ZNF45: variants seen among roughly 807,000 people sequenced by gnomAD.
ZNF45 encodes zinc finger protein 45, also known as BRC1744.
In ZNF45, 4 loss-of-function variants were observed where a neutral mutation model predicts 12.0. The observed-to-expected ratio is 0.33, with a 90% CI of 0.16 to 0.76. The LOEUF is 0.76. Ranked by LOEUF, ZNF45 falls within the 30% of genes least tolerant of loss-of-function variation. The pLI, the probability that ZNF45 is intolerant of heterozygous loss-of-function variation, is 0.60. For synonymous variants in ZNF45, 272 were observed against 279.6 expected (o/e 0.97, Z 0.27); for missense variants, 700 against 813.0 (o/e 0.86, Z 1.69).
At chr19:43,921,267 A>G (rs1167717822) in intron 7 of ZNF45, among the ~76,000 whole-genome samples, 3 of 152,238 alleles carry the variant, frequency 2.0e-5, no homozygotes, top group Non-Finnish European at 4.4e-5. Flanking sequence ...GAGACCAAGG[A>G]CTGCCTCATA....
intron 7 of ZNF45, among the ~76,000 whole-genome samples, chr19:43,921,161 G>T (rs1256279446): frequency 1.3e-5 from 2 of 152,154 alleles, no homozygotes; most frequent in African/African-American, 2.4e-5. Context: ...AAATCCTGGA[G>T]TCTTTTGAAA....
At chr19:43,929,722 CA>C (rs1477211713) in intron 3 of ZNF45, among the ~76,000 whole-genome samples, 2 of 152,196 alleles carry the variant, frequency 1.3e-5, no homozygotes, top group Admixed American at 6.5e-5. Context: ...AGGTCCTCCA[CA>C]TAACAGGTTT....
At position 43,932,237 on chromosome 19, in the gene ZNF45, G is replaced by A. The variant is rs138692528; in HGVS notation, c.-400+367C>T. On this transcript the variant is annotated intron_variant, in intron 3 of 9. Coordinates refer to ENST00000269973, the MANE Select transcript of ZNF45 (RefSeq NM_003425.4). ...TGTAATCCCAGCTACTGGGGAGGCT[G>A]AGGCAGGAGAATTGCTGAAACCCAG... is the stretch of plus-strand genomic sequence containing the variant. Among the ~76,000 whole-genome samples the A allele has an allele frequency of 4.4e-4, 67 of 152,316 alleles. No homozygotes were observed. In the East Asian group the frequency reaches 0.013, roughly 29 times the overall value.
chr19:43,934,142 C>T (rs1974342639), intron 2 of ZNF45, among the ~76,000 whole-genome samples: 1 of 152,206 alleles, frequency 6.6e-6, no homozygotes, highest in African/African-American at 2.4e-5. Context: ...CTTACTAGCA[C>T]TGTGATATAG....
rs1972314182 is a variant in ZNF45, at chr19:43,912,698, G to T, written c.*689C>A. ...TATTGTATACATTGATCTTGGTGAT[G>T]ATTACATTTGTCAAAATTCAGAAAG... is the stretch of plus-strand genomic sequence containing the variant. On this transcript the variant is annotated 3_prime_UTR_variant, in exon 10 of 10. Transcript: ENST00000269973. 6.6e-6 allele frequency: 1 copy of T among 152,194 alleles called. No individual in the cohort carries two copies. The highest frequency in any genetic ancestry group is 1.5e-5 in the Non-Finnish European group (1 of 68,032). 9.4% of individuals were successfully genotyped at this position (152,194 alleles called of 1,614,324 possible). A position where few individuals can be genotyped will look rare whatever the true frequency, so the allele number is the denominator to read the frequency against.
Position 43,914,208 on chromosome 19 carries a change from G to T in ZNF45, c.1228C>A (p.His410Asn), listed in dbSNP as rs199962565. 238 of 1,606,482 alleles carry T rather than the reference G, an allele frequency of 1.5e-4. No individual in the cohort carries two copies. Among genetic ancestry groups the T allele is most frequent in the Non-Finnish European group, 1.1e-4 (125 of 1,174,804 alleles). The change falls in exon 10 of 10, where the codon CAT becomes AAT. Residue 410 changes from histidine to asparagine, a missense_variant. Coordinates refer to ENST00000269973, the MANE Select transcript of ZNF45 (RefSeq NM_003425.4). ...CACTGATACGGTTTCTCTCCAGTAT[G>T]GCCTCTTTGATGGTCCAGCAGATTT... The part of the protein sequence containing the change: ...ASNLLDHQRG[H>N]TGEKPYQCDA...
intron 9 of ZNF45, 75 bp from the exon 10 acceptor site, chr19:43,915,275 C>G (rs1253677414): frequency 1.4e-6 from 2 of 1,402,338 alleles, no homozygotes; most frequent in Non-Finnish European, 1.9e-6. Context: ...TTTATAAACT[C>G]GGGCCCATAG....
intron 3 of ZNF45, among the ~76,000 whole-genome samples, chr19:43,929,127 A>G (rs1973918147): frequency 2.0e-5 from 3 of 152,248 alleles, no homozygotes; most frequent in Admixed American, 2.0e-4. Flanking sequence ...GCGCCAGGCA[A>G]TGAACCCAGG....
In ZNF45 at chr19:43,935,023, A is replaced by C. The variant is rs1403473499; in HGVS notation, c.-855T>G. On this transcript the variant is annotated 5_prime_UTR_variant, in exon 1 of 10. Transcript: ENST00000269973. ...GAGATCCTCAGACGCCTCCCCATTC[A>C]GGTCCACTTCCAACCAGGGGACTCC... 1 of 152,436 alleles carries C rather than the reference A, an allele frequency of 6.6e-6. No homozygotes were observed. The allele number at this position is 152,436 out of a possible 1,614,324, so 9.4% of individuals were successfully genotyped here.
At chr19:43,916,631 C>T (rs1437038434) in intron 9 of ZNF45, among the ~76,000 whole-genome samples, 1 of 152,146 alleles carries the variant, frequency 6.6e-6, no homozygotes, top group African/African-American at 2.4e-5. Flanking sequence ...TTATCATCAC[C>T]CAAGAGCTCT....
chr19:43,914,903 TG>T lies in ZNF45; in HGVS notation c.532del (p.His178IlefsTer90). The T allele has an allele frequency of 2.5e-6, 4 of 1,612,736 alleles. No individual in the cohort carries two copies. The highest frequency in any genetic ancestry group is 3.4e-6 in the Non-Finnish European group (4 of 1,178,748). Reference protein sequence around the residue: ...HCVKSFSWSSHLQINQRAHAG... With the variant: ...HCVKSFSWSSXLQINQRAHAG... ...ATGAGCCCTTTGGTTAATTTGAAGATGAGAGCTCCAGCTGAAACTTTTCACA... is the reference window on the plus strand; with the variant it reads ...ATGAGCCCTTTGGTTAATTTGAAGATAGAGCTCCAGCTGAAACTTTTCACA... On this transcript the variant is annotated frameshift_variant, in exon 10 of 10. Transcript: ENST00000269973. LOFTEE classifies it low-confidence loss of function (END_TRUNC).
rs757803551 is a variant in ZNF45, at chr19:43,918,984, G to A, written c.143-22C>T. On this transcript the variant is annotated intron_variant, in intron 8 of 9. Coordinates refer to ENST00000269973, the MANE Select transcript of ZNF45 (RefSeq NM_003425.4). ...TGCCCTGTGAAAAGGCAAGGACATAGGTTTATAATTAATACATCAGAAGCC... is the reference window on the plus strand; with the variant it reads ...TGCCCTGTGAAAAGGCAAGGACATAAGTTTATAATTAATACATCAGAAGCC... 9.4e-6 allele frequency: 15 copies of A among 1,602,172 alleles called. No homozygotes were observed. The Admixed American group carries it at 2.3e-4, about 25-fold the overall frequency.
chr19:43,922,820 G>GGT lies in ZNF45; in HGVS notation c.-32-604_-32-603insAC, dbSNP rs1555747285. 5.8e-5 allele frequency among the ~76,000 whole-genome samples: 5 copies of GGT among 86,490 alleles called. No homozygotes were observed. The East Asian group carries it at 1.1e-3, about 18-fold the overall frequency. The allele number at this position is 86,490 out of a possible 152,430, so 56.7% of individuals were successfully genotyped here. ...AATGGTTTCTACCAATAAATTCTTT[G>GGT]TTTTTTTTTTTTTTTTTTTTTTTGA... On this transcript the variant is annotated intron_variant, in intron 6 of 9. Transcript: ENST00000269973.
chr19:43,921,194 A>T (rs1320953583), intron 7 of ZNF45, among the ~76,000 whole-genome samples: 1 of 152,234 alleles, frequency 6.6e-6, no homozygotes, highest in Non-Finnish European at 1.5e-5. Context: ...TTGGTATCCT[A>T]TGTGAAACTA....
intron 9 of ZNF45, among the ~76,000 whole-genome samples, chr19:43,918,103 G>T (rs1001590701): frequency 6.6e-6 from 1 of 152,142 alleles, no homozygotes; most frequent in Non-Finnish European, 1.5e-5. Context: ...TGGAAGAGGT[G>T]GATGGTTGCC....
intron 3 of ZNF45, among the ~76,000 whole-genome samples, chr19:43,928,760 C>CT (rs1226557978): frequency 6.6e-6 from 1 of 152,232 alleles, no homozygotes; most frequent in Non-Finnish European, 1.5e-5. Context: ...CTCTTTCTCT[C>CT]TGATACTAAC....
chr19:43,922,260 C>A, intron 6 of ZNF45, 43 bp from the exon 7 acceptor site: 3 of 1,411,080 alleles, frequency 2.1e-6, no homozygotes, highest in East Asian at 2.3e-5. Context: ...AGAAAAAAGC[C>A]ATGAGAGTTT....
chr19:43,916,840 T>C (rs1206224075), intron 9 of ZNF45, among the ~76,000 whole-genome samples: 1 of 152,062 alleles, frequency 6.6e-6, no homozygotes, highest in Non-Finnish European at 1.5e-5. Context: ...TGGATGGTGC[T>C]GATAAGAAAA....
chr19:43,933,870 A>C (rs1974323438), intron 2 of ZNF45, among the ~76,000 whole-genome samples: 1 of 152,228 alleles, frequency 6.6e-6, no homozygotes, highest in Non-Finnish European at 1.5e-5. Context: ...TGAACTACTA[A>C]TATTGCTTAA....
Sources: allele counts gnomAD v4.1 joint callset (sites outside exome capture counted in the v4.1 genomes callset), GRCh38; gene constraint gnomAD v4.1.1; transcripts MANE v1.5; gene names NCBI Gene and HGNC (gene_info 2026-07-23, HGNC 2026-07-21).